The following TTBK2 variants were observed in gnomAD, a reference collection of about 807,000 sequenced individuals.
The protein encoded by TTBK2 is tau tubulin kinase 2, also known as tau-tubulin kinase 2.
A neutral mutation model predicts 110.8 loss-of-function variants in TTBK2; 28 were observed. That is an observed-to-expected ratio of 0.25 (90% CI 0.19 to 0.35). The LOEUF (loss-of-function observed/expected upper bound fraction) is 0.35. Among genes scored for constraint, TTBK2 ranks in the 10% least tolerant of loss-of-function variants. The probability of loss-of-function intolerance (pLI) is 1.00; values close to 1 mark genes in which losing one functional copy is unlikely to be tolerated. For synonymous variants in TTBK2, 532 were observed against 527.3 expected, an observed-to-expected ratio of 1.01 and a Z score of -0.12; for missense variants, 1,369 against 1,500.3, an observed-to-expected ratio of 0.91 and a Z score of 1.45.
At chr15:42,775,807 G>A (rs1024664765) in intron 12 of TTBK2, 84 bp from the exon 13 acceptor site, 1 of 1,082,694 alleles carries the variant, frequency 9.2e-7, no homozygotes, top group Non-Finnish European at 1.3e-6. Context: ...GAACTAATAT[G>A]GACACAAAGA....
In TTBK2 at chr15:42,751,982, T is replaced by G; in HGVS notation, c.3264A>C (p.Val1088=). 6.2e-7 allele frequency: 1 copy of G among 1,614,114 alleles called. No individual in the cohort carries two copies. The highest frequency in any genetic ancestry group is 8.5e-7 in the Non-Finnish European group (1 of 1,179,998). Residue 1088 remains valine, a synonymous_variant, in exon 14 of 15, where the codon GTA becomes GTC. Coordinates refer to ENST00000267890, the MANE Select transcript of TTBK2 (RefSeq NM_173500.4). ...AGAGCACACAGCATTACCTGGCTTC[T>G]ACTCCAGGCCTCGTGGGTGGCTTTC... ...PPGKPPTRPG[V]EARLRRYKVL...
chr15:42,913,563 G>A (rs2733224), intron 1 of TTBK2, among the ~76,000 whole-genome samples: 20,194 of 151,766 alleles, frequency 0.13, 1,402 homozygotes, highest in East Asian at 0.21. Context: ...GCGTGAACCC[G>A]GGAGGCAGAG....
intron 10 of TTBK2, among the ~76,000 whole-genome samples, chr15:42,790,032 CCAATAAATGGTGCTCTT>C (rs1268388405): frequency 6.6e-6 from 1 of 152,016 alleles, no homozygotes; most frequent in African/African-American, 2.4e-5. Flanking sequence ...ACAGTGGGAT[CCAATAAATGGTGCTCTT>C]CAATAAATGG....
chr15:42,891,777 C>G lies in TTBK2; in HGVS notation c.-67-13093G>C, dbSNP rs1233405006. On this transcript the variant is annotated intron_variant, in intron 1 of 14. Coordinates refer to ENST00000267890, the MANE Select transcript of TTBK2 (RefSeq NM_173500.4). The stretch of plus-strand genomic sequence containing the variant: ...GTCATTCTAAGCAAATTATTAAACC[C>G]AAGGGGATTGTGGGAAGGCCCAAAC... Among the ~76,000 whole-genome samples, 5 of 152,008 alleles carry G rather than the reference C, an allele frequency of 3.3e-5. No homozygotes were observed. In the South Asian group the frequency reaches 1.0e-3, roughly 32 times the overall value.
chr15:42,754,085 CTT>C (rs68057465), intron 13 of TTBK2, among the ~76,000 whole-genome samples: 7,599 of 132,134 alleles, frequency 0.058, 507 homozygotes, highest in African/African-American at 0.19. Flanking sequence ...CTAATGTTTT[CTT>C]TTTTTTTTTT....
At chr15:42,910,365 G>A (rs1046104886) in intron 1 of TTBK2, among the ~76,000 whole-genome samples, 6 of 151,848 alleles carry the variant, frequency 4.0e-5, no homozygotes, top group African/African-American at 7.3e-5. Flanking sequence ...CACAATTTAC[G>A]TCCTCCTAAT....
chr15:42,790,159 G>A (rs1464123257), intron 10 of TTBK2, among the ~76,000 whole-genome samples: 1 of 152,072 alleles, frequency 6.6e-6, no homozygotes, highest in Non-Finnish European at 1.5e-5. Flanking sequence ...TATATGTTAA[G>A]ACCTGAGACT....
chr15:42,852,072 C>CCT (rs1567060140), intron 3 of TTBK2, among the ~76,000 whole-genome samples: 4 of 141,812 alleles, frequency 2.8e-5, no homozygotes, highest in African/African-American at 1.0e-4. Flanking sequence ...ATATTACCAA[C>CCT]TTTTTTTTTT....
chr15:42,824,568 T>G (rs1332141854), intron 6 of TTBK2, among the ~76,000 whole-genome samples: 1 of 152,200 alleles, frequency 6.6e-6, no homozygotes, highest in African/African-American at 2.4e-5. Flanking sequence ...TCATGATTCT[T>G]CATCCTTAAT....
intron 1 of TTBK2, among the ~76,000 whole-genome samples, chr15:42,898,137 TA>T (rs1895740537): frequency 6.6e-6 from 1 of 151,980 alleles, no homozygotes; most frequent in Non-Finnish European, 1.5e-5. Context: ...CCTTCTCAAG[TA>T]AATGGGTAAG....
intron 14 of TTBK2, 119 bp downstream of exon 14, chr15:42,751,855 G>T: frequency 7.8e-7 from 1 of 1,274,810 alleles, no homozygotes; most frequent in Non-Finnish European, 1.1e-6. Flanking sequence ...CCTGGGAAAG[G>T]CAGGAAAGAA....
At position 42,759,875 on chromosome 15, in the gene TTBK2, C is replaced by A. The variant is rs527922863; in HGVS notation, c.1999-6628G>T. Among the ~76,000 whole-genome samples, 105 of 152,002 alleles carry A rather than the reference C, an allele frequency of 6.9e-4. 2 individuals carry two copies. The South Asian group carries it at 0.022, about 31-fold the overall frequency. The stretch of plus-strand genomic sequence containing the variant: ...GAAAAAGCAAGGAAATATGACAACA[C>A]CCAAGGAATGATAATTCTCCAGTAA... On this transcript the variant is annotated intron_variant, in intron 13 of 14. Coordinates refer to ENST00000267890, the MANE Select transcript of TTBK2 (RefSeq NM_173500.4).
At chr15:42,842,931 C>T (rs1176664774) in intron 3 of TTBK2, among the ~76,000 whole-genome samples, 10 of 152,096 alleles carry the variant, frequency 6.6e-5, no homozygotes, top group Non-Finnish European at 1.5e-5. Flanking sequence ...TTATCTATTA[C>T]ATTGTAGTAA....
chr15:42,806,362 T>C (rs1290026177), intron 9 of TTBK2, among the ~76,000 whole-genome samples: 1 of 152,232 alleles, frequency 6.6e-6, no homozygotes, highest in Non-Finnish European at 1.5e-5. Flanking sequence ...TAGTCTCTGA[T>C]TCTCCTTTGT....
At chr15:42,818,047 T>C (rs781762639) in intron 6 of TTBK2, among the ~76,000 whole-genome samples, 2 of 152,184 alleles carry the variant, frequency 1.3e-5, no homozygotes, top group Non-Finnish European at 2.9e-5. Context: ...TTTATTTATA[T>C]TCTTATTCTG....
chr15:42,831,963 A>G (rs1032107895), intron 4 of TTBK2, among the ~76,000 whole-genome samples: 1 of 152,238 alleles, frequency 6.6e-6, no homozygotes, highest in Admixed American at 6.5e-5. Flanking sequence ...ATATTATTCA[A>G]AATAAAATAC....
rs115342811 is a variant in TTBK2 at position 42,881,852 on chromosome 15, C to T, written c.-67-3168G>A. On this transcript the variant is annotated intron_variant, in intron 1 of 14. Coordinates refer to ENST00000267890, the MANE Select transcript of TTBK2 (RefSeq NM_173500.4). ...CACCATTGCACTCTAGCCTAGGCAA[C>T]AGAACGAGACTCTGTCTCAAAAAAA... is the stretch of plus-strand genomic sequence containing the variant. Among the ~76,000 whole-genome samples the T allele has an allele frequency of 8.5e-3, 1,282 of 150,630 alleles. 8 individuals carry two copies. The highest frequency in any genetic ancestry group is 0.029 in the African/African-American group (1,203 of 40,910).
chr15:42,885,276 C>T (rs564275445), intron 1 of TTBK2, among the ~76,000 whole-genome samples: 3 of 152,336 alleles, frequency 2.0e-5, no homozygotes, highest in Admixed American at 2.0e-4. Context: ...TACCTATCAC[C>T]TCAGGTCCTC....
intron 9 of TTBK2, among the ~76,000 whole-genome samples, chr15:42,804,008 CAAAAAAAAAA>C (rs781131720): frequency 7.8e-5 from 4 of 51,066 alleles, no homozygotes; most frequent in Non-Finnish European, 9.5e-5. Context: ...GCGAGGAGTG[CAAAAAAAAAA>C]AAAAAAAAAA....
Sources: gnomAD v4.1 joint callset for allele counts (sites outside exome capture counted in the v4.1 genomes callset) on GRCh38, gnomAD v4.1.1 for gene constraint, MANE v1.5 for transcripts, NCBI Gene and HGNC (gene_info 2026-07-23, HGNC 2026-07-21) for gene names.